GPATCH2L: variants seen among roughly 807,000 people sequenced by gnomAD.
GPATCH2L encodes G patch domain-containing protein 2-like.
GPATCH2L carries 31 observed loss-of-function variants against 57.4 expected under a neutral mutation model. The observed-to-expected ratio is 0.54, with a 90% CI of 0.41 to 0.73. The LOEUF (loss-of-function observed/expected upper bound fraction) is 0.73, where lower values mean the gene tolerates loss of function less well. GPATCH2L is among the 30% of genes least tolerant of loss of function. The pLI is 0.00. For synonymous variants in GPATCH2L, 199 were observed against 210.7 expected (o/e 0.94, Z 0.48); for missense variants, 481 against 599.9 (o/e 0.80, Z 2.07).
chr14:76,230,477 C>G (rs1449229449), intron 2 of GPATCH2L: 1 of 151,996 alleles, frequency 6.6e-6, no homozygotes, highest in Admixed American at 6.5e-5. Flanking sequence ...ATAATTTTAT[C>G]CATCCCACTG....
In GPATCH2L at chr14:76,201,902, G is replaced by A. The variant is rs1377390883; in HGVS notation, c.*51G>A. The A allele has an allele frequency of 1.3e-6, 2 of 1,524,704 alleles. No individual in the cohort carries two copies. Among genetic ancestry groups the A allele is most frequent in the South Asian group, 1.2e-5 (1 of 85,254 alleles). 94.4% of individuals were successfully genotyped at this position (1,524,704 alleles called of 1,614,324 possible). A position where few individuals can be genotyped will look rare whatever the true frequency, so the allele number is the denominator to read the frequency against. Reference sequence around the variant, plus strand: ...CTGACTGGGTGTTGCTGAAGCAAATGTTGGACTTTGTGTTAGATAGTCTTG... The same window carrying A: ...CTGACTGGGTGTTGCTGAAGCAAATATTGGACTTTGTGTTAGATAGTCTTG... On this transcript the variant is annotated 3_prime_UTR_variant, in exon 10 of 10. Coordinates refer to ENST00000261530, the MANE Select transcript of GPATCH2L (RefSeq NM_017926.4).
chr14:76,199,330 A>C (rs2040246801), intron 9 of GPATCH2L, among the ~76,000 whole-genome samples: 1 of 152,006 alleles, frequency 6.6e-6, no homozygotes, highest in African/African-American at 2.4e-5. Context: ...TTCAAGCAAT[A>C]CATTGTCCAG....
At chr14:76,165,473 T>A (rs556089800) in intron 2 of GPATCH2L, among the ~76,000 whole-genome samples, 8 of 143,098 alleles carry the variant, frequency 5.6e-5, no homozygotes, top group African/African-American at 2.1e-4. Context: ...GCCTGGGCAA[T>A]GAGCGAAACT....
intron 1 of GPATCH2L, among the ~76,000 whole-genome samples, chr14:76,225,028 A>G (rs1043214307): frequency 1.3e-5 from 2 of 152,210 alleles, no homozygotes; most frequent in African/African-American, 4.8e-5. Context: ...GAAAGCCTCA[A>G]TATTGTAAAG....
intron 2 of GPATCH2L, among the ~76,000 whole-genome samples, chr14:76,235,399 T>C (rs576120896): frequency 5.7e-4 from 87 of 152,236 alleles, no homozygotes; most frequent in Non-Finnish European, 1.0e-3. Flanking sequence ...CATGAGATCT[T>C]ATGGTTTTAT....
At position 76,201,044 on chromosome 14, in the gene GPATCH2L, C is replaced by T. The variant is rs369887295; in HGVS notation, c.1289-647C>T. Among the ~76,000 whole-genome samples, 3 of 152,262 alleles carry T rather than the reference C, an allele frequency of 2.0e-5. No individual in the cohort carries two copies. The South Asian group carries it at 6.2e-4, about 32-fold the overall frequency. On this transcript the variant is annotated intron_variant, in intron 9 of 9. Transcript: ENST00000261530. ...AGTGTTCTGAAGTATACAAGACAGC[C>T]CTGCACAAGCCATGTCTCCTGTCCA...
chr14:76,229,607 G>A (rs2040551568), intron 1 of GPATCH2L, among the ~76,000 whole-genome samples: 2 of 152,128 alleles, frequency 1.3e-5, no homozygotes, highest in Admixed American at 1.3e-4. Context: ...TATGGGCCCT[G>A]CGTAAGTGTC....
chr14:76,185,745 T>G (rs1274656039), intron 8 of GPATCH2L, among the ~76,000 whole-genome samples: 1 of 152,234 alleles, frequency 6.6e-6, no homozygotes, highest in African/African-American at 2.4e-5. Context: ...AACTGTTTTT[T>G]CTTTGAGAAA....
intron 8 of GPATCH2L, among the ~76,000 whole-genome samples, chr14:76,194,700 A>G (rs1030912735): frequency 1.3e-5 from 2 of 152,096 alleles, no homozygotes; most frequent in Admixed American, 6.5e-5. Flanking sequence ...ACTACTGATT[A>G]GGAGTTTATC....
intron 1 of GPATCH2L, among the ~76,000 whole-genome samples, chr14:76,226,964 T>G (rs1336736370): frequency 6.6e-6 from 1 of 152,136 alleles, no homozygotes; most frequent in Non-Finnish European, 1.5e-5. Context: ...AAAAAGTGTG[T>G]GAGCATGGAG....
intron 9 of GPATCH2L, among the ~76,000 whole-genome samples, chr14:76,196,799 A>G (rs1026413496): frequency 2.0e-5 from 3 of 152,202 alleles, no homozygotes; most frequent in African/African-American, 7.2e-5. Flanking sequence ...TGATAGCTGA[A>G]TAGAGAGTAA....
intron 2 of GPATCH2L, among the ~76,000 whole-genome samples, chr14:76,158,899 A>C (rs905419894): frequency 1.3e-5 from 2 of 152,192 alleles, no homozygotes; most frequent in African/African-American, 4.8e-5. Flanking sequence ...CTTGAAAGAA[A>C]CATCCATCTC....
At chr14:76,165,270 G>T (rs1051398944) in intron 2 of GPATCH2L, among the ~76,000 whole-genome samples, 2 of 152,024 alleles carry the variant, frequency 1.3e-5, no homozygotes, top group Admixed American at 6.6e-5. Flanking sequence ...ATGGTGGGCG[G>T]ATCATGAGGT....
In GPATCH2L at chr14:76,178,087, G is replaced by A. The variant is rs191956742; in HGVS notation, c.1107+45G>A. 1,336 of 1,479,070 alleles carry A rather than the reference G, an allele frequency of 9.0e-4. 8 individuals carry two copies. The highest frequency in any genetic ancestry group is 6.0e-3 in the South Asian group (529 of 87,666). 91.6% of individuals were successfully genotyped at this position (1,479,070 alleles called of 1,614,324 possible). A position where few individuals can be genotyped will look rare whatever the true frequency, so the allele number is the denominator to read the frequency against. On this transcript the variant is annotated intron_variant, in intron 7 of 9. Transcript: ENST00000261530. ...GTTATTTTGATTTTCTTGGAGAACC[G>A]TTTTCTAAGAGTATCCAACACTTAC...
chr14:76,235,240 C>T (rs142344378), intron 2 of GPATCH2L, among the ~76,000 whole-genome samples: 1,730 of 151,772 alleles, frequency 0.011, 20 homozygotes, highest in Non-Finnish European at 0.019. Flanking sequence ...AATTGAATGA[C>T]TGATATGGTT....
At position 76,214,256 on chromosome 14, in the gene GPATCH2L, T is replaced by G. The variant is rs555805093; in HGVS notation, c.*12405T>G. 106 of 152,344 alleles carry G rather than the reference T, an allele frequency of 7.0e-4. No individual in the cohort carries two copies. Among genetic ancestry groups the G allele is most frequent in the African/African-American group, 2.5e-3 (102 of 41,574 alleles). 9.4% of individuals were successfully genotyped at this position (152,344 alleles called of 1,614,324 possible). ...CATTTATTCAAGTCTATTTTGTGCC[T>G]TTTAGCAGTGTTTTAAAATTATCCT... On this transcript the variant is annotated 3_prime_UTR_variant, in exon 10 of 10. Coordinates refer to ENST00000261530, the MANE Select transcript of GPATCH2L (RefSeq NM_017926.4).
chr14:76,197,085 A>G (rs2040176699), intron 9 of GPATCH2L, among the ~76,000 whole-genome samples: 2 of 152,172 alleles, frequency 1.3e-5, no homozygotes, highest in Admixed American at 6.5e-5. Flanking sequence ...CAATTTACAC[A>G]TGAGAAAACC....
At chr14:76,222,697 C>T (rs945817016) in intron 1 of GPATCH2L, among the ~76,000 whole-genome samples, 4 of 152,058 alleles carry the variant, frequency 2.6e-5, no homozygotes, top group Non-Finnish European at 5.9e-5. Context: ...TGGCCCACGC[C>T]TGTAATCCCA....
At chr14:76,222,770 A>C (rs2040520734) in intron 1 of GPATCH2L, among the ~76,000 whole-genome samples, 1 of 152,052 alleles carries the variant, frequency 6.6e-6, no homozygotes, top group Non-Finnish European at 1.5e-5. Flanking sequence ...CAGCCTGGCC[A>C]ACATGGTGAG....
Sources: gnomAD v4.1 joint callset for allele counts (sites outside exome capture counted in the v4.1 genomes callset) on GRCh38, gnomAD v4.1.1 for gene constraint, MANE v1.5 for transcripts, NCBI Gene and HGNC (gene_info 2026-07-23, HGNC 2026-07-21) for gene names.